CACNA1D: variants seen among roughly 807,000 people sequenced by gnomAD.
CACNA1D encodes the protein voltage-dependent L-type calcium channel subunit alpha-1D.
A neutral mutation model predicts 257.1 loss-of-function variants in CACNA1D; 55 were observed. The observed-to-expected ratio is 0.21, with a 90% CI of 0.17 to 0.27. The LOEUF is 0.27. CACNA1D is among the 10% of genes least tolerant of loss of function. The pLI, the probability that CACNA1D is intolerant of heterozygous loss-of-function variation, is 1.00. For synonymous variants in CACNA1D, 980 were observed against 1,014.9 expected (o/e 0.97, Z 0.65); for missense variants, 1,876 against 2,784.0 (o/e 0.67, Z 7.34).
At chr3:53,591,213 T>C (rs2093299382) in intron 3 of CACNA1D, among the ~76,000 whole-genome samples, 1 of 152,112 alleles carries the variant, frequency 6.6e-6, no homozygotes, top group Non-Finnish European at 1.5e-5. Context: ...AATCCAATGT[T>C]CTGTTCACCT....
At chr3:53,610,637 G>T (rs1241658876) in intron 3 of CACNA1D, among the ~76,000 whole-genome samples, 1 of 152,138 alleles carries the variant, frequency 6.6e-6, no homozygotes, top group African/African-American at 2.4e-5. Context: ...TGTCATTTAT[G>T]TTTGGGTTTT....
At chr3:53,706,840 T>C (rs1052139254) in intron 9 of CACNA1D, among the ~76,000 whole-genome samples, 2 of 152,134 alleles carry the variant, frequency 1.3e-5, no homozygotes. Context: ...GTGTACACAT[T>C]ATTTAGCTTC....
intron 3 of CACNA1D, among the ~76,000 whole-genome samples, chr3:53,572,462 C>T (rs565149915): frequency 2.0e-5 from 3 of 152,106 alleles, no homozygotes; most frequent in African/African-American, 7.2e-5. Flanking sequence ...TGCAGTGGCA[C>T]GATCTTGGCT....
At chr3:53,543,320 TC>T (rs1167200970) in intron 3 of CACNA1D, among the ~76,000 whole-genome samples, 5 of 152,032 alleles carry the variant, frequency 3.3e-5, no homozygotes, top group African/African-American at 9.7e-5. Flanking sequence ...TCATGCCCCA[TC>T]CCCCAACCCA....
chr3:53,500,871 C>A (rs563549522), intron 2 of CACNA1D, among the ~76,000 whole-genome samples: 1 of 152,066 alleles, frequency 6.6e-6, no homozygotes, highest in Non-Finnish European at 1.5e-5. Flanking sequence ...CTACTTTGAA[C>A]GTGTCTGGTG....
intron 3 of CACNA1D, among the ~76,000 whole-genome samples, chr3:53,616,283 G>A (rs1006884863): frequency 6.6e-6 from 1 of 152,174 alleles, no homozygotes; most frequent in Non-Finnish European, 1.5e-5. Flanking sequence ...CCGGCCCCCC[G>A]GTTCATATCA....
chr3:53,775,971 G>T lies in CACNA1D; in HGVS notation c.4288G>T (p.Gly1430Trp), dbSNP rs750386159. ...TGACCCTGAGTCAGATTACAACCCC[G>T]GGGAGGAGTATACATGTGGGAGCAA... ...LCDPESDYNP[G>W]EEYTCGSNFA... The change falls in exon 35 of 48, where the codon GGG becomes TGG. Residue 1430 changes from glycine to tryptophan, a missense_variant. Gly to Trp is a radical substitution (Grantham distance 184). Around this residue, in one of 10 missense-constraint regions of CACNA1D, gnomAD observed 83 missense variants for 210.7 expected, o/e 0.39. Transcript: ENST00000350061. 6.2e-7 allele frequency: 1 copy of T among 1,613,906 alleles called. No individual in the cohort carries two copies. The highest frequency in any genetic ancestry group is 2.2e-5 in the East Asian group (1 of 44,880).
chr3:53,624,498 C>G (rs1197086325), intron 3 of CACNA1D, among the ~76,000 whole-genome samples: 2 of 152,208 alleles, frequency 1.3e-5, no homozygotes, highest in African/African-American at 4.8e-5. Context: ...CCTTTCCCAG[C>G]CAGACAGTGT....
chr3:53,721,537 G>T (rs2094882817), intron 11 of CACNA1D, among the ~76,000 whole-genome samples: 2 of 152,248 alleles, frequency 1.3e-5, no homozygotes, highest in South Asian at 4.1e-4. Flanking sequence ...AAGGAGACAG[G>T]CTAAGGGAGA....
At chr3:53,683,113 T>G (rs1216703721) in intron 8 of CACNA1D, among the ~76,000 whole-genome samples, 4 of 152,126 alleles carry the variant, frequency 2.6e-5, no homozygotes, top group Non-Finnish European at 4.4e-5. Context: ...GTGAGAAGTA[T>G]GCAGAGAAGG....
intron 9 of CACNA1D, among the ~76,000 whole-genome samples, chr3:53,711,575 A>C (rs2094756193): frequency 6.6e-6 from 1 of 152,220 alleles, no homozygotes; most frequent in Non-Finnish European, 1.5e-5. Flanking sequence ...CTCTGGGGAA[A>C]GTCTGTTTAA....
intron 9 of CACNA1D, among the ~76,000 whole-genome samples, chr3:53,716,651 T>G (rs1409149840): frequency 6.6e-6 from 1 of 152,164 alleles, no homozygotes; most frequent in Non-Finnish European, 1.5e-5. Flanking sequence ...ATTGGTTTCT[T>G]CTCACTTAGG....
chr3:53,767,875 G>T (rs2095343211), intron 30 of CACNA1D, among the ~76,000 whole-genome samples: 1 of 152,198 alleles, frequency 6.6e-6, no homozygotes, highest in African/African-American at 2.4e-5. Flanking sequence ...GTGTGTGGTG[G>T]GAGGGGAGGT....
At chr3:53,496,065 C>T (rs566585628) in intron 1 of CACNA1D, among the ~76,000 whole-genome samples, 6 of 152,354 alleles carry the variant, frequency 3.9e-5, no homozygotes, top group African/African-American at 1.4e-4. Flanking sequence ...GCTCCGATTG[C>T]CCGCCGCTCG....
At chr3:53,748,883 AC>A (rs2095197968) in intron 26 of CACNA1D, among the ~76,000 whole-genome samples, 2 of 152,138 alleles carry the variant, frequency 1.3e-5, no homozygotes, top group African/African-American at 4.8e-5. Flanking sequence ...TTGGGGAAGC[AC>A]CCTTAGTTCT....
chr3:53,596,926 A>G (rs1034705574), intron 3 of CACNA1D, among the ~76,000 whole-genome samples: 2 of 152,192 alleles, frequency 1.3e-5, no homozygotes, highest in South Asian at 2.1e-4. Context: ...GGGACACAAA[A>G]TGTTTTCTGC....
intron 12 of CACNA1D, 27 bp downstream of exon 12, chr3:53,722,501 G>A (rs763942806): frequency 2.5e-6 from 4 of 1,612,224 alleles, no homozygotes; most frequent in East Asian, 2.2e-5. Context: ...TTCCTTTTTT[G>A]TTCTGAACTA....
intron 3 of CACNA1D, among the ~76,000 whole-genome samples, chr3:53,536,951 T>A (rs1192194611): frequency 6.6e-6 from 1 of 152,254 alleles, no homozygotes; most frequent in Non-Finnish European, 1.5e-5. Flanking sequence ...GCTTTTAACT[T>A]TCGGTTATTT....
intron 2 of CACNA1D, among the ~76,000 whole-genome samples, chr3:53,500,872 G>A (rs2090570599): frequency 6.6e-6 from 1 of 152,180 alleles, no homozygotes; most frequent in South Asian, 2.1e-4. Flanking sequence ...TACTTTGAAC[G>A]TGTCTGGTGC....
Sources: allele counts gnomAD v4.1 joint callset (sites outside exome capture counted in the v4.1 genomes callset), GRCh38; gene constraint gnomAD v4.1.1; regional missense constraint gnomAD v4.1.1; transcripts MANE v1.5; gene names NCBI Gene and HGNC (gene_info 2026-07-23, HGNC 2026-07-21).